VPS13A: variants seen among roughly 807,000 people sequenced by gnomAD.
VPS13A encodes intermembrane lipid transfer protein VPS13A.
In VPS13A, 264 loss-of-function variants were observed where a neutral mutation model predicts 390.9. That is an observed-to-expected ratio of 0.68 (90% confidence interval 0.61 to 0.75). The LOEUF is 0.75. VPS13A is among the 30% of genes least tolerant of loss of function. The probability of loss-of-function intolerance (pLI) is 0.00; values close to 1 mark genes in which losing one functional copy is unlikely to be tolerated. For synonymous variants in VPS13A, 1,231 were observed against 1,227.1 expected (o/e 1.00, Z -0.07); for missense variants, 3,409 against 3,733.9 (o/e 0.91, Z 2.27).
At chr9:77,269,888 T>A (rs2131317293) in intron 23 of VPS13A, among the ~76,000 whole-genome samples, 1 of 152,306 alleles carries the variant, frequency 6.6e-6, no homozygotes, top group African/African-American at 2.4e-5. Context: ...TGGGCGCTAA[T>A]CCAGTTTGAC....
intron 3 of VPS13A, 29 bp from the exon 4 acceptor site, chr9:77,205,283 GT>G: frequency 8.2e-7 from 1 of 1,223,930 alleles, no homozygotes. Context: ...AATATTTTTT[GT>G]CCTTTTTTTT....
chr9:77,280,260 T>G (rs1826941185), intron 27 of VPS13A, 22 bp downstream of exon 27: 1 of 1,564,124 alleles, frequency 6.4e-7, no homozygotes, highest in African/African-American at 1.4e-5. Context: ...CATTTATATC[T>G]GCTTAATATG....
rs1007437312 is a variant in VPS13A at position 77,187,612 on chromosome 9, C to T, written c.100+9808C>T. 8.3e-3 allele frequency among the ~76,000 whole-genome samples: 1,216 copies of T among 146,840 alleles called. 20 individuals carry two copies. Among genetic ancestry groups the T allele is most frequent in the African/African-American group, 0.03 (1,166 of 39,258 alleles). ...GTAAGAGTTTACATACAAACATACA[C>T]ACACACACACACACACACACACAAT... On this transcript the variant is annotated intron_variant, in intron 1 of 71. Transcript: ENST00000360280.
intron 54 of VPS13A, among the ~76,000 whole-genome samples, chr9:77,354,563 A>G (rs986330564): frequency 2.6e-5 from 4 of 152,170 alleles, no homozygotes; most frequent in Non-Finnish European, 4.4e-5. Flanking sequence ...GGAATAAACA[A>G]ATAGAATGCT....
At chr9:77,246,912 A>G (rs1303347702) in intron 19 of VPS13A, among the ~76,000 whole-genome samples, 1 of 152,154 alleles carries the variant, frequency 6.6e-6, no homozygotes, top group Non-Finnish European at 1.5e-5. Context: ...AAGTTTATGA[A>G]TTGAGAAGTA....
At chr9:77,373,775 C>G (rs946518722) in intron 67 of VPS13A, among the ~76,000 whole-genome samples, 4 of 151,252 alleles carry the variant, frequency 2.6e-5, no homozygotes, top group African/African-American at 9.7e-5. Context: ...ACAATGAACT[C>G]AAACAAATTT....
rs148722109 is a variant in VPS13A at position 77,401,104 on chromosome 9, T to G, written c.9190-2132T>G. ...GTCAGTTTCTGTAATCTGTATTCTT[T>G]CCTTTGATATGTCTGCATATACTTT... On this transcript the variant is annotated intron_variant, in intron 68 of 71. Coordinates refer to ENST00000360280, the MANE Select transcript of VPS13A (RefSeq NM_033305.3). Among the ~76,000 whole-genome samples the G allele has an allele frequency of 1.1e-3, 171 of 152,286 alleles. 1 individual carries two copies. Among genetic ancestry groups the G allele is most frequent in the African/African-American group, 3.8e-3 (158 of 41,560 alleles).
chr9:77,344,972 T>C (rs763505787), intron 51 of VPS13A, 37 bp from the exon 52 acceptor site: 3 of 1,599,768 alleles, frequency 1.9e-6, no homozygotes, highest in Non-Finnish European at 2.6e-6. Flanking sequence ...CTTGGGAAAA[T>C]GATTACATTA....
chr9:77,278,092 A>C (rs1226071011), intron 26 of VPS13A, among the ~76,000 whole-genome samples: 1 of 151,900 alleles, frequency 6.6e-6, no homozygotes, highest in African/African-American at 2.4e-5. Context: ...ATTTTTTGAG[A>C]TGGAGTCTCG....
At position 77,419,306 on chromosome 9, in the gene VPS13A, T is replaced by C. The variant is rs1460025777; in HGVS notation, c.*3300T>C. On this transcript the variant is annotated 3_prime_UTR_variant, in exon 72 of 72. Coordinates refer to ENST00000360280, the MANE Select transcript of VPS13A (RefSeq NM_033305.3). ...TAAAAAATAGAGGAACAATAGAGCA[T>C]ATAAAATGGTTAAGTATTGGTTCCT... 6.6e-6 allele frequency: 1 copy of C among 152,186 alleles called. No individual in the cohort carries two copies. Among genetic ancestry groups the C allele is most frequent in the Non-Finnish European group, 1.5e-5 (1 of 68,032 alleles). 9.4% of individuals were successfully genotyped at this position (152,186 alleles called of 1,614,324 possible).
At chr9:77,387,132 A>G (rs115288757) in intron 68 of VPS13A, among the ~76,000 whole-genome samples, 8,277 of 124,490 alleles carry the variant, frequency 0.066, 640 homozygotes, top group African/African-American at 0.21. Context: ...TTTCTCTAGT[A>G]AAAGCAAAAA....
In VPS13A at chr9:77,420,174, T is replaced by C. The variant is rs1236399662; in HGVS notation, c.*4168T>C. 6.6e-6 allele frequency: 1 copy of C among 152,206 alleles called. No homozygotes were observed. Among genetic ancestry groups the C allele is most frequent in the Non-Finnish European group, 1.5e-5 (1 of 68,034 alleles). 9.4% of individuals were successfully genotyped at this position (152,206 alleles called of 1,614,324 possible). ...ACCTAATCAAGCTAGGATTTGTCGGTTAAAATTTTGATTCTTGTAATCTGT... is the reference window on the plus strand; with the variant it reads ...ACCTAATCAAGCTAGGATTTGTCGGCTAAAATTTTGATTCTTGTAATCTGT... On this transcript the variant is annotated 3_prime_UTR_variant, in exon 72 of 72. Coordinates refer to ENST00000360280, the MANE Select transcript of VPS13A (RefSeq NM_033305.3).
intron 22 of VPS13A, among the ~76,000 whole-genome samples, chr9:77,257,633 G>A (rs775355470): frequency 6.6e-6 from 1 of 152,140 alleles, no homozygotes; most frequent in East Asian, 1.9e-4. Context: ...GGGCATAATG[G>A]TGCATGCCTA....
At chr9:77,200,255 G>C (rs1825248770) in intron 2 of VPS13A, among the ~76,000 whole-genome samples, 1 of 152,116 alleles carries the variant, frequency 6.6e-6, no homozygotes, top group South Asian at 2.1e-4. Flanking sequence ...GGGAGGTCAA[G>C]GCAGGTGGAT....
chr9:77,362,066 C>T (rs1832174033), intron 59 of VPS13A, among the ~76,000 whole-genome samples: 1 of 152,060 alleles, frequency 6.6e-6, no homozygotes, highest in Non-Finnish European at 1.5e-5. Context: ...ATACAGGTCT[C>T]TTATCAGATA....
intron 60 of VPS13A, 60 bp downstream of exon 60, chr9:77,365,633 A>G: frequency 9.6e-7 from 1 of 1,039,274 alleles, no homozygotes. Context: ...TTGATGTAGC[A>G]TTTATATTGT....
Position 77,177,569 on chromosome 9 carries a change from G to A in VPS13A, c.-136G>A. On this transcript the variant is annotated 5_prime_UTR_variant, in exon 1 of 72. Transcript: ENST00000360280. ...CTCGCTGGGCTCGCTAGGGCTGCGC[G>A]TTGGGCCAGCGGGGGCGCCGCAGCT... 1.3e-6 allele frequency: 1 copy of A among 773,622 alleles called. No individual in the cohort carries two copies. Among genetic ancestry groups the A allele is most frequent in the South Asian group, 1.5e-5 (1 of 68,100 alleles). The allele number at this position is 773,622 out of a possible 1,614,324, so 47.9% of individuals were successfully genotyped here. A position where few individuals can be genotyped will look rare whatever the true frequency, so the allele number is the denominator to read the frequency against.
chr9:77,329,691 C>T (rs1469041668), intron 45 of VPS13A, among the ~76,000 whole-genome samples: 1 of 152,182 alleles, frequency 6.6e-6, no homozygotes, highest in Admixed American at 6.5e-5. Context: ...CACCAATAGA[C>T]TTGCTTGATG....
chr9:77,376,180 A>G (rs889507195), intron 67 of VPS13A, among the ~76,000 whole-genome samples: 5 of 152,202 alleles, frequency 3.3e-5, no homozygotes, highest in African/African-American at 7.2e-5. Context: ...TGCTTGGCCT[A>G]TTTGAGAAAC....
Sources: allele counts gnomAD v4.1 joint callset (sites outside exome capture counted in the v4.1 genomes callset), GRCh38; gene constraint gnomAD v4.1.1; transcripts MANE v1.5; gene names NCBI Gene and HGNC (gene_info 2026-07-23, HGNC 2026-07-21).